The following MYRIP variants were observed in gnomAD, a reference collection of about 807,000 sequenced individuals.
MYRIP encodes rab effector MyRIP.
In MYRIP, 49 loss-of-function variants were observed where a neutral mutation model predicts 98.0. The observed-to-expected ratio is 0.50, with a 90% CI of 0.40 to 0.63. The LOEUF (loss-of-function observed/expected upper bound fraction) is 0.63. MYRIP is among the 30% of genes least tolerant of loss of function. MYRIP has a pLI of 0.00. For synonymous variants in MYRIP, 404 were observed against 409.5 expected, an observed-to-expected ratio of 0.99 and a Z score of 0.16; for missense variants, 1,004 against 1,058.2, an observed-to-expected ratio of 0.95 and a Z score of 0.71.
intron 3 of MYRIP, among the ~76,000 whole-genome samples, chr3:40,133,843 A>T (rs1949700972): frequency 6.6e-6 from 1 of 152,254 alleles, no homozygotes; most frequent in South Asian, 2.1e-4. Context: ...TCTATAAGTC[A>T]TATAGATTCG....
intron 4 of MYRIP, among the ~76,000 whole-genome samples, chr3:40,152,831 G>A (rs934923951): frequency 6.6e-6 from 1 of 152,146 alleles, no homozygotes; most frequent in South Asian, 2.1e-4. Flanking sequence ...AAAGCATTTT[G>A]TGGGGCCAGG....
intron 10 of MYRIP, among the ~76,000 whole-genome samples, chr3:40,208,492 G>T (rs1008648296): frequency 2.0e-5 from 3 of 152,166 alleles, no homozygotes; most frequent in African/African-American, 7.2e-5. Flanking sequence ...TCTTCCTGGA[G>T]TTCCCCAAGC....
chr3:40,204,160 A>AATACAATATATT (rs1951716611), intron 10 of MYRIP, among the ~76,000 whole-genome samples: 2 of 23,302 alleles, frequency 8.6e-5, no homozygotes, highest in African/African-American at 2.3e-4. Flanking sequence ...ATAAATATAT[A>AATACAATATATT]ATATAATATT....
intron 3 of MYRIP, among the ~76,000 whole-genome samples, chr3:40,139,525 TTC>T (rs1223327762): frequency 6.6e-6 from 1 of 152,240 alleles, no homozygotes; most frequent in East Asian, 1.9e-4. Context: ...TATTTAAATA[TTC>T]TTTTATTTAG....
At chr3:39,957,868 A>G (rs1257640785) in intron 2 of MYRIP, among the ~76,000 whole-genome samples, 1 of 152,224 alleles carries the variant, frequency 6.6e-6, no homozygotes, top group Non-Finnish European at 1.5e-5. Context: ...AATCACAAGC[A>G]TTCCTATACA....
chr3:40,116,857 CATT>C (rs1282281980), intron 3 of MYRIP, among the ~76,000 whole-genome samples: 1 of 152,168 alleles, frequency 6.6e-6, no homozygotes, highest in African/African-American at 2.4e-5. Flanking sequence ...AATCTCATAA[CATT>C]ATTGATTTTG....
At chr3:39,884,444 A>G (rs1435689866) in intron 1 of MYRIP, among the ~76,000 whole-genome samples, 2 of 152,090 alleles carry the variant, frequency 1.3e-5, no homozygotes, top group African/African-American at 4.8e-5. Flanking sequence ...GAAGATTAAC[A>G]TTTAATGGTT....
At chr3:40,171,010 G>C (rs752830912) in intron 8 of MYRIP, among the ~76,000 whole-genome samples, 7 of 152,130 alleles carry the variant, frequency 4.6e-5, no homozygotes, top group African/African-American at 1.7e-4. Context: ...CTCGCCAACT[G>C]CCAGATGCAC....
At chr3:39,869,666 A>G (rs1942726761) in intron 1 of MYRIP, among the ~76,000 whole-genome samples, 2 of 152,182 alleles carry the variant, frequency 1.3e-5, no homozygotes, top group Non-Finnish European at 2.9e-5. Flanking sequence ...AATCTGTTTT[A>G]CCATCTGTAA....
intron 2 of MYRIP, among the ~76,000 whole-genome samples, chr3:39,924,252 A>G (rs910964496): frequency 1.3e-5 from 2 of 152,146 alleles, no homozygotes; most frequent in African/African-American, 4.8e-5. Context: ...CCTCAAATAT[A>G]ACGATATAGA....
intron 2 of MYRIP, among the ~76,000 whole-genome samples, chr3:40,022,199 A>G (rs76866613): frequency 0.01 from 1,575 of 152,326 alleles, 10 homozygotes; most frequent in Non-Finnish European, 0.016. Context: ...ATTCAGGCCA[A>G]TCCTCCTGTA....
chr3:40,162,653 G>A (rs1383427474), intron 4 of MYRIP, 77 bp from the exon 5 acceptor site: 1 of 1,308,652 alleles, frequency 7.6e-7, no homozygotes, highest in South Asian at 1.2e-5. Flanking sequence ...TGCCAGTTCA[G>A]TGACACAGTG....
chr3:40,130,379 CT>C (rs1174112413), intron 3 of MYRIP, among the ~76,000 whole-genome samples: 2,416 of 139,150 alleles, frequency 0.017, 12 homozygotes, highest in Non-Finnish European at 0.023. Context: ...GTCCAAATTT[CT>C]TTTTTTTTTT....
At chr3:40,159,303 A>T (rs1159778845) in intron 4 of MYRIP, among the ~76,000 whole-genome samples, 2 of 151,970 alleles carry the variant, frequency 1.3e-5, no homozygotes, top group Non-Finnish European at 2.9e-5. Flanking sequence ...TCTTTTCTTT[A>T]AGAATGTTGA....
chr3:39,878,297 C>T (rs1042621852), intron 1 of MYRIP, among the ~76,000 whole-genome samples: 21 of 152,190 alleles, frequency 1.4e-4, no homozygotes, highest in African/African-American at 4.8e-4. Context: ...TTTGTGCTTC[C>T]CGAGTGAGGC....
chr3:40,247,774 T>A (rs1011319398), intron 13 of MYRIP, among the ~76,000 whole-genome samples: 5 of 152,258 alleles, frequency 3.3e-5, no homozygotes, highest in Non-Finnish European at 4.4e-5. Context: ...TCCACCAGCC[T>A]TGGCCTCCCA....
Position 40,190,262 on chromosome 3 carries a change from G to A in MYRIP, c.1464G>A (p.Met488Ile), listed in dbSNP as rs1328661530. Reference protein sequence around the residue: ...KAPRNPAAEKMRLHGELDVNF... With the variant: ...KAPRNPAAEKIRLHGELDVNF... ...CCAGGAACCCTGCAGCTGAGAAGATGCGCTTGCATGGAGAGCTGGACGTGA... is the reference window on the plus strand; with the variant it reads ...CCAGGAACCCTGCAGCTGAGAAGATACGCTTGCATGGAGAGCTGGACGTGA... The change falls in exon 10 of 17, where the codon ATG becomes ATA. Residue 488 changes from methionine to isoleucine, a missense_variant. Coordinates refer to ENST00000302541, the MANE Select transcript of MYRIP (RefSeq NM_015460.4). The A allele has an allele frequency of 6.2e-7, 1 of 1,613,936 alleles. No homozygotes were observed. Among genetic ancestry groups the A allele is most frequent in the African/African-American group, 1.3e-5 (1 of 74,888 alleles).
chr3:40,072,736 G>T (rs1344995661), intron 3 of MYRIP, among the ~76,000 whole-genome samples: 3 of 152,046 alleles, frequency 2.0e-5, no homozygotes, highest in East Asian at 3.8e-4. Context: ...AGATATCAGA[G>T]AACTCTTCTG....
At chr3:39,990,932 A>G (rs994194352) in intron 2 of MYRIP, among the ~76,000 whole-genome samples, 3 of 152,172 alleles carry the variant, frequency 2.0e-5, no homozygotes, top group Non-Finnish European at 4.4e-5. Context: ...GTTCTCACTC[A>G]TAAGTGGGAG....
Sources: allele counts gnomAD v4.1 joint callset (sites outside exome capture counted in the v4.1 genomes callset), GRCh38; gene constraint gnomAD v4.1.1; transcripts MANE v1.5; gene names NCBI Gene and HGNC (gene_info 2026-07-23, HGNC 2026-07-21).